Variants in CSMD1 observed in about 807,000 individuals in gnomAD.
The protein encoded by CSMD1 is CUB and Sushi multiple domains 1.
Under a neutral mutation model 417.5 loss-of-function variants are expected in CSMD1, and 213 were observed. The ratio of observed to expected loss-of-function variants is 0.51; its 90% CI spans 0.46 to 0.57. CSMD1 has a LOEUF of 0.57. Among genes scored for constraint, CSMD1 ranks in the 20% least tolerant of loss-of-function variants. The pLI is 0.00. For synonymous variants in CSMD1, 2,862 were observed against 1,736.8 expected, an observed-to-expected ratio of 1.65 and a Z score of -16.11; for missense variants, 6,923 against 4,529.7, an observed-to-expected ratio of 1.53 and a Z score of -15.17.
chr8:4,714,223 G>A (rs1166197605), intron 1 of CSMD1, among the ~76,000 whole-genome samples: 2 of 152,098 alleles, frequency 1.3e-5, no homozygotes, highest in South Asian at 2.1e-4. Context: ...CGCCTCCTCT[G>A]TCATTCCGCC....
At chr8:4,239,015 G>A (rs924160568) in intron 3 of CSMD1, among the ~76,000 whole-genome samples, 2 of 152,100 alleles carry the variant, frequency 1.3e-5, no homozygotes, top group African/African-American at 4.8e-5. Context: ...ACAGGATTAG[G>A]TTCGAAAATC....
chr8:3,145,045 G>GTGTGTGTGTGTGTC (rs1554440611), intron 40 of CSMD1, among the ~76,000 whole-genome samples: 6,508 of 151,582 alleles, frequency 0.043, 386 homozygotes, highest in African/African-American at 0.13. Context: ...GTAAAGAGTT[G>GTGTGTGTGTGTGTC]TGTGTGTGTG....
chr8:3,110,173 T>A lies in CSMD1; in HGVS notation c.6593A>T (p.Asp2198Val). The part of the protein sequence containing the change: ...FTLLQTEAVN[D>V]YIAVWDGPDQ... ...GTTCTCATACCAAACAGCAATGTAA[T>A]CGTTGACAGCTTCCGTCTGTAACAG... Residue 2198 changes from aspartate to valine, a missense_variant, in exon 43 of 70, where the codon GAT becomes GTT. By Grantham distance (152) the Asp-to-Val change is radical. Transcript: ENST00000635120. 7 of 1,608,160 alleles carry A rather than the reference T, an allele frequency of 4.4e-6. No homozygotes were observed. Among genetic ancestry groups the A allele is most frequent in the Non-Finnish European group, 5.9e-6 (7 of 1,177,572 alleles).
At chr8:3,028,892 T>C (rs1410979035) in intron 51 of CSMD1, among the ~76,000 whole-genome samples, 9 of 152,226 alleles carry the variant, frequency 5.9e-5, no homozygotes. Flanking sequence ...CTGCTTATCT[T>C]GTACCTAAGA....
intron 7 of CSMD1, chr8:3,704,891 C>T (rs1801080403): frequency 6.6e-6 from 1 of 152,234 alleles, no homozygotes; most frequent in Non-Finnish European, 1.5e-5. Flanking sequence ...TAATAATGAA[C>T]AGGACTTTGG....
intron 1 of CSMD1, among the ~76,000 whole-genome samples, chr8:4,870,072 G>T (rs562850630): frequency 6.6e-6 from 1 of 152,026 alleles, no homozygotes; most frequent in Non-Finnish European, 1.5e-5. Flanking sequence ...CAAGACTTTT[G>T]TGAATAAAAG....
intron 5 of CSMD1, among the ~76,000 whole-genome samples, chr8:3,982,107 G>A (rs993620719): frequency 6.6e-6 from 1 of 151,034 alleles, no homozygotes; most frequent in Non-Finnish European, 1.5e-5. Context: ...GCAGTGAGTC[G>A]AGATTGCACA....
rs1198290708 is a variant in CSMD1 at position 3,307,815 on chromosome 8, C to A, written c.3830G>T (p.Cys1277Phe). Residue 1277 changes from cysteine (C) to phenylalanine (F), a missense_variant, in exon 25 of 70, where the codon TGT becomes TTT. By Grantham distance (205) the Cys-to-Phe change is radical (BLOSUM62 -2). Coordinates refer to ENST00000635120, the MANE Select transcript of CSMD1 (RefSeq NM_033225.6). ...TGTGGCTGCATGGATCTGACCACCA[C>A]ATTCCGCTGTAGAAGACACAGAGAG... ...DKPLPSCIAE[C>F]GGQIHAATSG... 2 of 1,612,432 alleles carry A rather than the reference C, an allele frequency of 1.2e-6. No individual in the cohort carries two copies. Among genetic ancestry groups the A allele is most frequent in the African/African-American group, 2.7e-5 (2 of 74,880 alleles).
intron 23 of CSMD1, among the ~76,000 whole-genome samples, chr8:3,326,032 G>A (rs141952016): frequency 4.5e-4 from 68 of 152,298 alleles, no homozygotes; most frequent in African/African-American, 1.6e-3. Context: ...GGATTTGAGG[G>A]CATGACAGCG....
At chr8:4,967,073 G>C (rs1041834831) in intron 1 of CSMD1, among the ~76,000 whole-genome samples, 1 of 152,134 alleles carries the variant, frequency 6.6e-6, no homozygotes, top group Non-Finnish European at 1.5e-5. Flanking sequence ...AATTCAATTA[G>C]TCACTGATTT....
chr8:3,242,391 G>C (rs913000115), intron 26 of CSMD1, among the ~76,000 whole-genome samples: 1 of 152,002 alleles, frequency 6.6e-6, no homozygotes, highest in Non-Finnish European at 1.5e-5. Context: ...GGGAAAGAAG[G>C]AAGATTTGGG....
chr8:4,710,410 TTATAAA>T (rs1808212200), intron 1 of CSMD1, among the ~76,000 whole-genome samples: 1 of 147,682 alleles, frequency 6.8e-6, no homozygotes, highest in South Asian at 2.1e-4. Flanking sequence ...ATATATAAAT[TTATAAA>T]TATATTTAAT....
chr8:4,900,198 G>A (rs1440650275), intron 1 of CSMD1, among the ~76,000 whole-genome samples: 1 of 152,126 alleles, frequency 6.6e-6, no homozygotes, highest in East Asian at 1.9e-4. Flanking sequence ...ACAGGGGTAT[G>A]AAGACACGGG....
At chr8:4,094,043 G>A (rs754099447) in intron 3 of CSMD1, among the ~76,000 whole-genome samples, 1 of 152,028 alleles carries the variant, frequency 6.6e-6, no homozygotes, top group East Asian at 1.9e-4. Context: ...TCAATAGAAT[G>A]CACCAGAGAG....
At chr8:3,935,542 C>G (rs1810432006) in intron 5 of CSMD1, among the ~76,000 whole-genome samples, 2 of 152,060 alleles carry the variant, frequency 1.3e-5, no homozygotes. Flanking sequence ...TCATAATAAC[C>G]CAGGCTTCTA....
Position 3,189,927 on chromosome 8 carries a change from T to C in CSMD1, c.5383A>G (p.Ile1795Val). The C allele has an allele frequency of 1.3e-6, 2 of 1,583,078 alleles. No homozygotes were observed. The highest frequency in any genetic ancestry group is 1.7e-6 in the Non-Finnish European group (2 of 1,164,942). ...CACTGCTCACCCACACAGCTGGGGA[T>C]CGTGTCGTTCCACTGTGCCAAGGCG... is the stretch of plus-strand genomic sequence containing the variant. ...PNALAQWNDT[I>V]PSCVVPCSGN... The change falls in exon 34 of 70, where the codon ATC becomes GTC. Residue 1795 changes from isoleucine (I) to valine (V), a missense_variant. By Grantham distance (29) the Ile-to-Val change is conservative (BLOSUM62 3). Transcript: ENST00000635120.
chr8:3,397,775 A>T (rs1408442731), intron 16 of CSMD1, among the ~76,000 whole-genome samples: 1 of 152,212 alleles, frequency 6.6e-6, no homozygotes, highest in East Asian at 1.9e-4. Flanking sequence ...GAAGATTTCC[A>T]GGATGACGTT....
intron 26 of CSMD1, among the ~76,000 whole-genome samples, chr8:3,232,142 T>A (rs1000002877): frequency 1.3e-5 from 2 of 152,206 alleles, no homozygotes; most frequent in Non-Finnish European, 2.9e-5. Flanking sequence ...ATCACCTTCT[T>A]CCTCCACTTC....
At chr8:3,129,128 A>G (rs559971768) in intron 41 of CSMD1, among the ~76,000 whole-genome samples, 17 of 152,334 alleles carry the variant, frequency 1.1e-4, no homozygotes, top group African/African-American at 3.8e-4. Context: ...CCCTGAAGTC[A>G]GGCCCACTTT....
Sources: gnomAD v4.1 joint callset for allele counts (sites outside exome capture counted in the v4.1 genomes callset) on GRCh38, gnomAD v4.1.1 for gene constraint, MANE v1.5 for transcripts, NCBI Gene and HGNC (gene_info 2026-07-23, HGNC 2026-07-21) for gene names.